Variants in TESPA1 observed in about 807,000 individuals in gnomAD.
The protein encoded by TESPA1 is protein TESPA1.
TESPA1 carries 33 observed loss-of-function variants against 57.9 expected under a neutral mutation model. That is an observed-to-expected ratio of 0.57 (90% CI 0.43 to 0.76). The LOEUF is 0.76. Ranked by LOEUF, TESPA1 falls within the 30% of genes least tolerant of loss-of-function variation. The pLI is 0.00. For synonymous variants in TESPA1, 227 were observed against 228.9 expected, an observed-to-expected ratio of 0.99 and a Z score of 0.07; for missense variants, 618 against 632.9, an observed-to-expected ratio of 0.98 and a Z score of 0.25.
chr12:54,959,764 G>C (rs910741411), intron 10 of TESPA1, among the ~76,000 whole-genome samples: 2 of 152,148 alleles, frequency 1.3e-5, no homozygotes, highest in Non-Finnish European at 2.9e-5. Context: ...GTCTGTTCAG[G>C]TTTTTACTTG....
At position 54,950,613 on chromosome 12, in the gene TESPA1, T is replaced by C. The variant is rs181118946; in HGVS notation, c.*2-223A>G. On this transcript the variant is annotated intron_variant, in intron 10 of 10. Transcript: ENST00000449076. ...CAAGAGTTTACCTCTTACTGTTTAA[T>C]ACTTATAAAGGCATACATTTATACC... 2.3e-3 allele frequency among the ~76,000 whole-genome samples: 347 copies of C among 152,318 alleles called. 2 individuals are homozygous for C. Among genetic ancestry groups the C allele is most frequent in the African/African-American group, 7.8e-3 (324 of 41,576 alleles).
At chr12:54,963,697 T>G in intron 8 of TESPA1, 45 bp downstream of exon 8, 1 of 1,573,016 alleles carries the variant, frequency 6.4e-7, no homozygotes, top group South Asian at 1.1e-5. Flanking sequence ...TGTGAAAATC[T>G]AAAGGAAAAG....
rs745812575 is a variant in TESPA1, at chr12:54,974,499, G to A, written c.64C>T (p.Arg22Cys). Residue 22 changes from arginine (R) to cysteine (C), a missense_variant, in exon 2 of 11, where the codon CGT becomes TGT. By Grantham distance (180) the Arg-to-Cys change is radical. Coordinates refer to ENST00000449076, the MANE Select transcript of TESPA1 (RefSeq NM_001136030.3). ...EKRRAWLRQS[R>C]NWQTQVLEEE... The stretch of plus-strand genomic sequence containing the variant: ...TCTAGGACCTGGGTCTGCCAGTTAC[G>A]GCTCTGACGGAGCCAGGCCCGCCGT... The A allele has an allele frequency of 5.6e-6, 9 of 1,601,890 alleles. No homozygotes were observed. Among genetic ancestry groups the A allele is most frequent in the Admixed American group, 1.7e-5 (1 of 58,678 alleles).
intron 1 of TESPA1, among the ~76,000 whole-genome samples, chr12:54,976,947 C>A: frequency 6.6e-6 from 1 of 152,048 alleles, no homozygotes; most frequent in South Asian, 2.1e-4. Context: ...TTCTCTTCAT[C>A]TTCCTCAGTC....
At chr12:54,966,998 T>G (rs1592373498) in intron 5 of TESPA1, among the ~76,000 whole-genome samples, 185 bp downstream of exon 5, 1 of 151,828 alleles carries the variant, frequency 6.6e-6, no homozygotes, top group Non-Finnish European at 1.5e-5. Context: ...GATGAGGAGG[T>G]GTTTCTGGGC....
At chr12:54,982,958 G>T (rs974529899) in intron 1 of TESPA1, among the ~76,000 whole-genome samples, 8 of 152,158 alleles carry the variant, frequency 5.3e-5, no homozygotes, top group Admixed American at 4.6e-4. Flanking sequence ...GTGTTGTAAG[G>T]CACACAGTAC....
intron 10 of TESPA1, among the ~76,000 whole-genome samples, chr12:54,959,101 C>A (rs780737188): frequency 6.6e-6 from 1 of 152,104 alleles, no homozygotes; most frequent in Non-Finnish European, 1.5e-5. Flanking sequence ...TGTAAATAGG[C>A]TTTTAGTAAT....
Position 54,963,893 on chromosome 12 carries a change from C to T in TESPA1, c.504G>A (p.Leu168=), listed in dbSNP as rs772730067. The T allele has an allele frequency of 3.9e-5, 63 of 1,613,900 alleles. No individual in the cohort carries two copies. The highest frequency in any genetic ancestry group is 4.9e-5 in the Non-Finnish European group (58 of 1,179,890). Residue 168 remains leucine, a synonymous_variant, in exon 8 of 11, where the codon CTG becomes CTA. Transcript: ENST00000449076. The part of the protein sequence containing the change: ...QEDAEDVLFS[L]GFGQEDHKDT... ...CTTTGTGATCCTCTTGGCCAAAGCC[C>T]AGACTGAAGAGGACATCTTCTGCAT...
chr12:54,974,511 G>A lies in TESPA1; in HGVS notation c.52C>T (p.Leu18Phe), dbSNP rs1393003375. Residue 18 changes from leucine to phenylalanine, a missense_variant, in exon 2 of 11, where the codon CTC (leucine) becomes TTC (phenylalanine). By Grantham distance (22) the Leu-to-Phe change is conservative (BLOSUM62 0). Transcript: ENST00000449076. ...PTSWEKRRAW[L>F]RQSRNWQTQV... is the part of the protein sequence containing the mutation. Reference sequence around the variant, plus strand: ...GTCTGCCAGTTACGGCTCTGACGGAGCCAGGCCCGCCGTTTCTCCCAGGAT... The same window carrying A: ...GTCTGCCAGTTACGGCTCTGACGGAACCAGGCCCGCCGTTTCTCCCAGGAT... 1 of 1,598,638 alleles carries A rather than the reference G, an allele frequency of 6.3e-7. No individual in the cohort carries two copies. The highest frequency in any genetic ancestry group is 8.5e-7 in the Non-Finnish European group (1 of 1,172,272).
At chr12:54,966,330 C>A in intron 6 of TESPA1, 58 bp downstream of exon 6, 1 of 1,610,464 alleles carries the variant, frequency 6.2e-7, no homozygotes, top group Non-Finnish European at 8.5e-7. Flanking sequence ...TTTGACCTAC[C>A]CCAATTCACT....
At chr12:54,957,840 C>A (rs11171193) in intron 10 of TESPA1, among the ~76,000 whole-genome samples, 1 of 152,124 alleles carries the variant, frequency 6.6e-6, no homozygotes, top group African/African-American at 2.4e-5. Context: ...ATTTTACATT[C>A]CACTTAAGGA....
In TESPA1 at chr12:54,965,172, T is replaced by A. The variant is rs530524413; in HGVS notation, c.446+881A>T. On this transcript the variant is annotated intron_variant, in intron 7 of 10. Transcript: ENST00000449076. ...GGGATCAAGCTATTTGTCCGCTTCATCTTTTCTTTTTTTATTTTCATTTTT... is the reference window on the plus strand; with the variant it reads ...GGGATCAAGCTATTTGTCCGCTTCAACTTTTCTTTTTTTATTTTCATTTTT... Among the ~76,000 whole-genome samples, 127 of 152,346 alleles carry A rather than the reference T, an allele frequency of 8.3e-4. 1 individual carries two copies. Among genetic ancestry groups the A allele is most frequent in the Non-Finnish European group, 1.4e-3 (96 of 68,030 alleles).
In TESPA1 at chr12:54,963,831, G is replaced by C. The variant is rs758911223; in HGVS notation, c.566C>G (p.Pro189Arg). ...GAAATCAATGCCCTTGGCCTGAGAG[G>C]GGGTGGTGAAAAATCGGGCGGGTAT... The part of the protein sequence containing the change: ...SRIPARFFTT[P>R]SQAKGIDFQL... The change falls in exon 8 of 11, where the codon CCC becomes CGC. Residue 189 changes from proline to arginine, a missense_variant. This residue lies in a region of TESPA1 where 409 missense variants were observed against 420.1 expected (regional missense o/e 0.97). Coordinates refer to ENST00000449076, the MANE Select transcript of TESPA1 (RefSeq NM_001136030.3). The C allele has an allele frequency of 2.5e-6, 4 of 1,614,000 alleles. No homozygotes were observed. Among genetic ancestry groups the C allele is most frequent in the Admixed American group, 1.7e-5 (1 of 60,018 alleles).
chr12:54,966,552 C>A, intron 5 of TESPA1, 128 bp from the exon 6 acceptor site: 13 of 1,076,198 alleles, frequency 1.2e-5, no homozygotes, highest in Non-Finnish European at 1.5e-5. Flanking sequence ...TAGCTGGACC[C>A]CATAAATTCT....
At position 54,963,742 on chromosome 12, in the gene TESPA1, T is replaced by C. The variant is rs1433620830; in HGVS notation, c.655A>G (p.Ser219Gly). The C allele has an allele frequency of 6.2e-7, 1 of 1,610,984 alleles. No individual in the cohort carries two copies. ...GCAGGTGCCTGGGAGGGACACTCAC[T>C]GGCCAGCATGAGGCAGGGGTCTTCC... ...EMEDPCLMLA[S>G]RFKQVQTLAV... The change falls in exon 8 of 11, where the codon AGC becomes GGC. Residue 219 changes from serine (S) to glycine (G), a missense_variant and splice_region_variant. Ser to Gly is a moderately conservative substitution (Grantham distance 56). This residue lies in a region of TESPA1 where 409 missense variants were observed against 420.1 expected (regional missense o/e 0.97). Coordinates refer to ENST00000449076, the MANE Select transcript of TESPA1 (RefSeq NM_001136030.3).
intron 10 of TESPA1, among the ~76,000 whole-genome samples, chr12:54,954,044 T>G (rs1950580181): frequency 6.6e-6 from 1 of 152,200 alleles, no homozygotes; most frequent in Non-Finnish European, 1.5e-5. Flanking sequence ...GCAAGTACAT[T>G]TCAGTGGTGA....
chr12:54,953,942 A>G (rs1302798442), intron 10 of TESPA1, among the ~76,000 whole-genome samples: 1 of 152,176 alleles, frequency 6.6e-6, no homozygotes, highest in African/African-American at 2.4e-5. Flanking sequence ...TTCTCTTGTC[A>G]TGTTTTTCAC....
intron 3 of TESPA1, among the ~76,000 whole-genome samples, chr12:54,972,772 T>G (rs1951915339): frequency 6.6e-6 from 1 of 152,042 alleles, no homozygotes; most frequent in Admixed American, 6.6e-5. Flanking sequence ...AATAGATGAG[T>G]TTAGATTAAA....
chr12:54,962,227 T>C (rs1364470964), intron 9 of TESPA1, among the ~76,000 whole-genome samples: 1 of 152,216 alleles, frequency 6.6e-6, no homozygotes, highest in East Asian at 1.9e-4. Context: ...AAAGGAGCTC[T>C]GAAAACTCGA....
Sources: allele counts gnomAD v4.1 joint callset (sites outside exome capture counted in the v4.1 genomes callset), GRCh38; gene constraint gnomAD v4.1.1; regional missense constraint gnomAD v4.1.1; transcripts MANE v1.5; gene names NCBI Gene and HGNC (gene_info 2026-07-23, HGNC 2026-07-21).